Variants in NFIX observed in about 807,000 individuals in gnomAD.
NFIX encodes the protein nuclear factor 1 X-type.
A neutral mutation model predicts 53.3 loss-of-function variants in NFIX; 2 were observed. The ratio of observed to expected loss-of-function variants is 0.04; its 90% confidence interval spans 0.02 to 0.12. The LOEUF (loss-of-function observed/expected upper bound fraction) is 0.12. Ranked by LOEUF, NFIX falls within the 10% of genes least tolerant of loss-of-function variation. NFIX has a pLI of 1.00. For missense variants in NFIX, 310 were observed against 674.5 expected, an observed-to-expected ratio of 0.46 and a Z score of 5.99; for synonymous variants, 244 against 289.0, an observed-to-expected ratio of 0.84 and a Z score of 1.58.
In NFIX at chr19:13,010,885, ACCCGCCTCC is replaced by A. The variant is rs142795625; in HGVS notation, c.28-14133_28-14125del. 3.6e-3 allele frequency among the ~76,000 whole-genome samples: 548 copies of A among 152,096 alleles called. 6 individuals are homozygous for A. Among genetic ancestry groups the A allele is most frequent in the East Asian group, 0.026 (136 of 5,176 alleles). The stretch of plus-strand genomic sequence containing the variant: ...CCACCTCCCCCATCCCTCTCGGAAC[ACCCGCCTCC>A]CCATATGTCCCTGGGGCACAGGTGG... On this transcript the variant is annotated intron_variant, in intron 1 of 10. Transcript: ENST00000592199.
intron 1 of NFIX, among the ~76,000 whole-genome samples, chr19:13,018,395 A>T (rs548940676): frequency 2.4e-4 from 33 of 138,838 alleles, no homozygotes; most frequent in African/African-American, 7.6e-4. Flanking sequence ...TGTGAGGCAG[A>T]CCCTGTCCTA....
At chr19:13,085,093 T>C (rs1241015730) in intron 8 of NFIX, among the ~76,000 whole-genome samples, 2 of 149,114 alleles carry the variant, frequency 1.3e-5, no homozygotes, top group Non-Finnish European at 3.0e-5. Context: ...AAAAAAAAAT[T>C]GAGGAGCTAT....
chr19:13,054,087 G>C (rs974066324), intron 2 of NFIX, among the ~76,000 whole-genome samples: 3 of 152,164 alleles, frequency 2.0e-5, no homozygotes, highest in Non-Finnish European at 2.9e-5. Context: ...CTGACTCCTG[G>C]TAGCTCAGAG....
Position 13,081,461 on chromosome 19 carries a change from GATT to G in NFIX, c.1079-200_1079-198del, listed in dbSNP as rs533753642. On this transcript the variant is annotated intron_variant, in intron 7 of 10. Transcript: ENST00000592199. This position sits in a 1 kb window ranked among gnomAD's most constrained non-coding sequence, Gnocchi z 4.7. ...CCTTTGGACCCTAGTTTGCCTATTT[GATT>G]ATTATTATTATTATTATTTTTGTAT... Among the ~76,000 whole-genome samples the G allele has an allele frequency of 4.6e-5, 7 of 151,908 alleles. No individual in the cohort carries two copies. Among genetic ancestry groups the G allele is most frequent in the African/African-American group, 1.2e-4 (5 of 41,412 alleles).
At position 13,036,649 on chromosome 19, in the gene NFIX, C is replaced by T. The variant is rs566836185; in HGVS notation, c.559+11097C>T. 2.6e-5 allele frequency among the ~76,000 whole-genome samples: 4 copies of T among 152,164 alleles called. No homozygotes were observed. The South Asian group carries it at 6.2e-4, about 24-fold the overall frequency. On this transcript the variant is annotated intron_variant, in intron 2 of 10. Coordinates refer to ENST00000592199, the MANE Select transcript of NFIX (RefSeq NM_001365902.3). The surrounding 1 kb of genome is among the most constrained non-coding windows in gnomAD (Gnocchi z 4.7). The stretch of plus-strand genomic sequence containing the variant: ...TGCCTGCAGATTATATCCCCATTAG[C>T]GCATAATTATTATATAATGGGCGTT...
intron 2 of NFIX, among the ~76,000 whole-genome samples, chr19:13,062,643 T>C (rs766378224): frequency 2.0e-4 from 31 of 152,160 alleles, no homozygotes; most frequent in Non-Finnish European, 3.7e-4. Flanking sequence ...AGCCAGAGGT[T>C]CCCTGTGTAG....
rs563507807 is a variant in NFIX at position 13,021,814 on chromosome 19, G to A, written c.28-3207G>A. On this transcript the variant is annotated intron_variant, in intron 1 of 10. Transcript: ENST00000592199. This position sits in a 1 kb window ranked among gnomAD's most constrained non-coding sequence, Gnocchi z 4.2. Reference sequence around the variant, plus strand: ...CTTGCTGTGAGGAAGGTCCCCAAGTGGAGGACCAGAGCAGGGGCTCCCCGG... The same window carrying A: ...CTTGCTGTGAGGAAGGTCCCCAAGTAGAGGACCAGAGCAGGGGCTCCCCGG... Among the ~76,000 whole-genome samples, 4 of 152,224 alleles carry A rather than the reference G, an allele frequency of 2.6e-5. No homozygotes were observed. The East Asian group carries it at 7.7e-4, about 29-fold the overall frequency.
chr19:13,072,937 C>A lies in NFIX; in HGVS notation c.560-110C>A. ...GAGGGTGGGGTGAAGGTTTCTGTAGCCAGGGTGGGCCGTCCCTGCTCTTGC... is the reference window on the plus strand; with the variant it reads ...GAGGGTGGGGTGAAGGTTTCTGTAGACAGGGTGGGCCGTCCCTGCTCTTGC... On this transcript the variant is annotated intron_variant, in intron 2 of 10. Coordinates refer to ENST00000592199, the MANE Select transcript of NFIX (RefSeq NM_001365902.3). The surrounding 1 kb of genome is among the most constrained non-coding windows in gnomAD (Gnocchi z 4.0). 9.5e-7 allele frequency: 1 copy of A among 1,050,228 alleles called. No individual in the cohort carries two copies. Among genetic ancestry groups the A allele is most frequent in the South Asian group, 1.3e-5 (1 of 79,586 alleles). The allele number at this position is 1,050,228 out of a possible 1,614,324, so 65.1% of individuals were successfully genotyped here.
At chr19:13,064,590 T>C (rs1391789282) in intron 2 of NFIX, among the ~76,000 whole-genome samples, 1 of 152,228 alleles carries the variant, frequency 6.6e-6, no homozygotes, top group Admixed American at 6.5e-5. Context: ...GAGAAACCTC[T>C]CTGTTGCTCT....
intron 10 of NFIX, among the ~76,000 whole-genome samples, chr19:13,092,224 G>A (rs1451058859): frequency 2.0e-5 from 3 of 152,234 alleles, no homozygotes; most frequent in African/African-American, 7.2e-5. Flanking sequence ...GGGAAGAAAA[G>A]AGAATTTTAG....
At position 13,078,858 on chromosome 19, in the gene NFIX, C is replaced by A; in HGVS notation, c.1078+123C>A. 2 of 1,174,928 alleles carry A rather than the reference C, an allele frequency of 1.7e-6. No homozygotes were observed. The highest frequency in any genetic ancestry group is 1.2e-6 in the Non-Finnish European group (1 of 858,432). The allele number at this position is 1,174,928 out of a possible 1,614,324, so 72.8% of individuals were successfully genotyped here. ...ACAGCCCCACGCTCTCCAAGTGGGC[C>A]AAGGTGCAGCAGCGGGTGGGCATGG... On this transcript the variant is annotated intron_variant, in intron 7 of 10. Coordinates refer to ENST00000592199, the MANE Select transcript of NFIX (RefSeq NM_001365902.3). The surrounding 1 kb of genome is among the most constrained non-coding windows in gnomAD (Gnocchi z 4.7).
chr19:13,077,322 C>T (rs1424290693), intron 6 of NFIX, among the ~76,000 whole-genome samples: 1 of 152,230 alleles, frequency 6.6e-6, no homozygotes, highest in African/African-American at 2.4e-5. Flanking sequence ...CGCACGGCCC[C>T]TCAACATCCT....
Position 13,090,441 on chromosome 19 carries a change from G to A in NFIX, c.1494+51G>A, listed in dbSNP as rs2018063711. 2.0e-6 allele frequency: 3 copies of A among 1,533,366 alleles called. No homozygotes were observed. Among genetic ancestry groups the A allele is most frequent in the Admixed American group, 1.7e-5 (1 of 59,908 alleles). 95.0% of individuals were successfully genotyped at this position (1,533,366 alleles called of 1,614,324 possible). A position where few individuals can be genotyped will look rare whatever the true frequency, so the allele number is the denominator to read the frequency against. On this transcript the variant is annotated intron_variant, in intron 10 of 10. Transcript: ENST00000592199. The surrounding 1 kb of genome is among the most constrained non-coding windows in gnomAD (Gnocchi z 6.6). ...ATGCAGGGACCAGGGGAGTAGTCAG[G>A]GTTGGGGGGCATCTTGGTGTTAGGG... is the stretch of plus-strand genomic sequence containing the variant.
In NFIX at chr19:13,001,323, G is replaced by A. The variant is rs74551279; in HGVS notation, c.27+5459G>A. The stretch of plus-strand genomic sequence containing the variant: ...TCCATGCCTCTCCATGTCTCCCAGC[G>A]TCCATCACTGGGTGCTACCTGCATG... On this transcript the variant is annotated intron_variant, in intron 1 of 10. Coordinates refer to ENST00000592199, the MANE Select transcript of NFIX (RefSeq NM_001365902.3). The surrounding 1 kb of genome is among the most constrained non-coding windows in gnomAD (Gnocchi z 6.5). 0.082 allele frequency among the ~76,000 whole-genome samples: 12,531 copies of A among 152,160 alleles called. 692 individuals are homozygous for A. The highest frequency in any genetic ancestry group is 0.12 in the Non-Finnish European group (8,426 of 67,992).
rs531272030 is a variant in NFIX, at chr19:13,052,050, A to T, written c.560-20997A>T. Among the ~76,000 whole-genome samples, 2 of 151,464 alleles carry T rather than the reference A, an allele frequency of 1.3e-5. No individual in the cohort carries two copies. The highest frequency in any genetic ancestry group is 2.9e-5 in the Non-Finnish European group (2 of 67,882). ...CCCTTCTGTCTTTCCTTTGCTGTCC[A>T]CTCTGCTTGCAGGATTTGGGACCAA... On this transcript the variant is annotated intron_variant, in intron 2 of 10. Transcript: ENST00000592199. This position sits in a 1 kb window ranked among gnomAD's most constrained non-coding sequence, Gnocchi z 5.2.
intron 1 of NFIX, among the ~76,000 whole-genome samples, chr19:13,003,554 C>T (rs767584022): frequency 1.1e-4 from 16 of 152,160 alleles, no homozygotes; most frequent in Admixed American, 6.5e-4. Flanking sequence ...TGCAATAACA[C>T]GCTCTCAGAC....
chr19:13,024,113 C>CAAAAA, intron 1 of NFIX: 17 of 412,038 alleles, frequency 4.1e-5, no homozygotes, highest in South Asian at 8.1e-5. Flanking sequence ...AGCAAACAAC[C>CAAAAA]AAAAAAAAAA....
intron 1 of NFIX, among the ~76,000 whole-genome samples, chr19:13,017,322 T>C (rs954645641): frequency 2.0e-5 from 3 of 152,344 alleles, no homozygotes; most frequent in Middle Eastern, 3.4e-3. Context: ...ATGATCCTGA[T>C]AATAAAATAG....
chr19:13,024,136 C>CAAAA, intron 1 of NFIX: 2 of 714,402 alleles, frequency 2.8e-6, no homozygotes, highest in East Asian at 3.2e-5. Context: ...AAAAACCAAA[C>CAAAA]AAAACCGAGA....
Sources: gnomAD v4.1 joint callset for allele counts (sites outside exome capture counted in the v4.1 genomes callset) on GRCh38, gnomAD v4.1.1 for gene constraint, Gnocchi (gnomAD v3.1) non-coding constraint, MANE v1.5 for transcripts, NCBI Gene and HGNC (gene_info 2026-07-23, HGNC 2026-07-21) for gene names.